Variants in SSH2 observed in about 807,000 individuals in gnomAD.
SSH2 encodes protein phosphatase Slingshot homolog 2.
Under a neutral mutation model 135.2 loss-of-function variants are expected in SSH2, and 37 were observed. The ratio of observed to expected loss-of-function variants is 0.27; its 90% CI spans 0.21 to 0.36. The LOEUF (loss-of-function observed/expected upper bound fraction) is 0.36, where lower values mean the gene tolerates loss of function less well. Among genes scored for constraint, SSH2 ranks in the 10% least tolerant of loss-of-function variants. The pLI is 1.00. For missense variants in SSH2, 1,408 were observed against 1,765.3 expected, an observed-to-expected ratio of 0.80 and a Z score of 3.63; for synonymous variants, 628 against 646.2, an observed-to-expected ratio of 0.97 and a Z score of 0.43.
At chr17:29,842,325 G>C (rs1008607943) in intron 2 of SSH2, among the ~76,000 whole-genome samples, 1 of 151,766 alleles carries the variant, frequency 6.6e-6, no homozygotes, top group Non-Finnish European at 1.5e-5. Flanking sequence ...GTCATGGCAG[G>C]CACCTATAAT....
At chr17:29,640,540 A>T (rs918534411) in intron 14 of SSH2, 2 of 152,150 alleles carry the variant, frequency 1.3e-5, no homozygotes, top group African/African-American at 4.8e-5. Context: ...TGGGGAGAAA[A>T]TCATCAGAAA....
At chr17:29,791,878 A>G (rs1485726120) in intron 3 of SSH2, among the ~76,000 whole-genome samples, 3 of 152,058 alleles carry the variant, frequency 2.0e-5, no homozygotes, top group Non-Finnish European at 4.4e-5. Context: ...AGTATTGCCA[A>G]AAACTTAAAA....
chr17:29,850,937 A>G (rs1045035781), intron 1 of SSH2, among the ~76,000 whole-genome samples: 1 of 152,160 alleles, frequency 6.6e-6, no homozygotes, highest in Non-Finnish European at 1.5e-5. Flanking sequence ...GTGAGCCGAG[A>G]TCGCGCCACT....
chr17:29,883,794 C>T (rs1456174543), intron 1 of SSH2, among the ~76,000 whole-genome samples: 1 of 152,184 alleles, frequency 6.6e-6, no homozygotes, highest in Non-Finnish European at 1.5e-5. Flanking sequence ...TCTTCTATCT[C>T]TTTCCCCACT....
chr17:29,746,021 C>A (rs541390494), intron 3 of SSH2, among the ~76,000 whole-genome samples: 2 of 151,922 alleles, frequency 1.3e-5, no homozygotes, highest in Non-Finnish European at 2.9e-5. Flanking sequence ...GTTTAAGGAA[C>A]GGGATACTTT....
In SSH2 at chr17:29,667,412, G is replaced by A. The variant is rs367816235; in HGVS notation, c.810-189C>T. On this transcript the variant is annotated intron_variant, in intron 9 of 15. Coordinates refer to ENST00000540801, the MANE Select transcript of SSH2 (RefSeq NM_001282129.2). ...ACCGGTCAGTGGCCTGTTAGAAGCC[G>A]GGCAGCAGAACAGGAGGTGAGCAGC... Among the ~76,000 whole-genome samples the A allele has an allele frequency of 1.2e-4, 19 of 152,236 alleles. No homozygotes were observed. The South Asian group carries it at 2.3e-3, about 18-fold the overall frequency.
At position 29,630,235 on chromosome 17, in the gene SSH2, C is replaced by T. The variant is rs946848775; in HGVS notation, c.*606G>A. ...AAACTATATGATAAATTTGCAGAGCCGGCCATTATCATGTCTTACTGTAAC... is the reference window on the plus strand; with the variant it reads ...AAACTATATGATAAATTTGCAGAGCTGGCCATTATCATGTCTTACTGTAAC... On this transcript the variant is annotated 3_prime_UTR_variant, in exon 16 of 16. Transcript: ENST00000540801. The T allele has an allele frequency of 2.6e-5, 4 of 152,142 alleles. No individual in the cohort carries two copies. Among genetic ancestry groups the T allele is most frequent in the Admixed American group, 6.5e-5 (1 of 15,274 alleles). 9.4% of individuals were successfully genotyped at this position (152,142 alleles called of 1,614,324 possible). A position where few individuals can be genotyped will look rare whatever the true frequency, so the allele number is the denominator to read the frequency against.
Position 29,787,178 on chromosome 17 carries a change from C to T in SSH2, c.188+6716G>A, listed in dbSNP as rs552266550. ...ATCCCCCAGTCACCATTATTCTGTC[C>T]GCATGAATTTGATTATTCTAGGTAT... On this transcript the variant is annotated intron_variant, in intron 3 of 15. Transcript: ENST00000540801. 3.3e-5 allele frequency among the ~76,000 whole-genome samples: 5 copies of T among 152,180 alleles called. No individual in the cohort carries two copies. In the East Asian group the frequency reaches 5.8e-4, roughly 18 times the overall value.
intron 3 of SSH2, among the ~76,000 whole-genome samples, chr17:29,761,873 A>G (rs7502812): frequency 0.49 from 59,174 of 121,598 alleles, 13,560 homozygotes; most frequent in African/African-American, 0.56. Flanking sequence ...GTGTGTGTGT[A>G]TATATATATA....
At chr17:29,799,392 C>T (rs2042212164) in intron 2 of SSH2, among the ~76,000 whole-genome samples, 1 of 152,190 alleles carries the variant, frequency 6.6e-6, no homozygotes, top group Admixed American at 6.5e-5. Context: ...TTTATACTCT[C>T]ACCAGAAAGA....
Position 29,636,090 on chromosome 17 carries a change from A to G in SSH2, c.2140T>C (p.Cys714Arg), listed in dbSNP as rs1179634762. Residue 714 changes from cysteine to arginine, a missense_variant, in exon 15 of 16, where the codon TGT (cysteine) becomes CGT (arginine). Coordinates refer to ENST00000540801, the MANE Select transcript of SSH2 (RefSeq NM_001282129.2). Reference protein sequence around the residue: ...EELGGGRNESCRLSVVEVAPS... With the variant: ...EELGGGRNESRRLSVVEVAPS... ...GCTACTTCTACCACTGACAGTCGAC[A>G]GCTCTCATTCCTTCCTCCACCCAGT... 1.9e-6 allele frequency: 3 copies of G among 1,614,134 alleles called. No individual in the cohort carries two copies. In the African/African-American group the frequency reaches 4.0e-5, roughly 22 times the overall value.
chr17:29,813,012 A>T (rs1228826889), intron 2 of SSH2, among the ~76,000 whole-genome samples: 1 of 152,252 alleles, frequency 6.6e-6, no homozygotes, highest in Non-Finnish European at 1.5e-5. Flanking sequence ...CAACGAAAAG[A>T]TTTTCACCGT....
rs1567650107 is a variant in SSH2 at position 29,913,357 on chromosome 17, TA to T, written c.63+16580del. Among the ~76,000 whole-genome samples the T allele has an allele frequency of 1.2e-3, 61 of 50,612 alleles. 1 individual carries two copies. The highest frequency in any genetic ancestry group is 3.6e-3 in the African/African-American group (54 of 14,974). The allele number at this position is 50,612 out of a possible 152,430, so 33.2% of individuals were successfully genotyped here. On this transcript the variant is annotated intron_variant, in intron 1 of 15. Coordinates refer to ENST00000540801, the MANE Select transcript of SSH2 (RefSeq NM_001282129.2). The stretch of plus-strand genomic sequence containing the variant: ...AAAAAAAAAAAAAAAAATATATATA[TA>T]TATATATATATATATATATATATAT...
intron 1 of SSH2, among the ~76,000 whole-genome samples, chr17:29,928,876 C>T (rs1328670892): frequency 6.6e-6 from 1 of 152,076 alleles, no homozygotes; most frequent in Non-Finnish European, 1.5e-5. Flanking sequence ...CTGATACTAC[C>T]AAATCCACCA....
At chr17:29,836,613 A>G (rs2042947988) in intron 2 of SSH2, among the ~76,000 whole-genome samples, 1 of 152,250 alleles carries the variant, frequency 6.6e-6, no homozygotes, top group African/African-American at 2.4e-5. Flanking sequence ...TTTACTAACC[A>G]GGCACATGGT....
At chr17:29,927,149 A>C (rs999356472) in intron 1 of SSH2, among the ~76,000 whole-genome samples, 1 of 152,194 alleles carries the variant, frequency 6.6e-6, no homozygotes, top group Non-Finnish European at 1.5e-5. Context: ...AGGACCCAAG[A>C]AATGTTAGAT....
intron 14 of SSH2, among the ~76,000 whole-genome samples, chr17:29,637,352 G>GC (rs1457254537): frequency 6.6e-6 from 1 of 152,084 alleles, no homozygotes; most frequent in Non-Finnish European, 1.5e-5. Flanking sequence ...GCCCACATTG[G>GC]CCCCCCACCA....
Position 29,650,811 on chromosome 17 carries a change from A to G in SSH2, c.1080-11T>C. On this transcript the variant is annotated splice_polypyrimidine_tract_variant and intron_variant, in intron 12 of 15. Coordinates refer to ENST00000540801, the MANE Select transcript of SSH2 (RefSeq NM_001282129.2). The stretch of plus-strand genomic sequence containing the variant: ...AAGATATACCGTACCCTGCAAGGAA[A>G]CCAAGGGAGAATATGTGCTCTACTA... 6.3e-7 allele frequency: 1 copy of G among 1,592,786 alleles called. No individual in the cohort carries two copies. The highest frequency in any genetic ancestry group is 8.6e-7 in the Non-Finnish European group (1 of 1,168,430).
intron 2 of SSH2, among the ~76,000 whole-genome samples, chr17:29,826,959 A>G (rs191699875): frequency 6.6e-6 from 1 of 152,318 alleles, no homozygotes; most frequent in East Asian, 1.9e-4. Context: ...GGTAGCAGCT[A>G]CCTACCAAGA....
Sources: allele counts gnomAD v4.1 joint callset (sites outside exome capture counted in the v4.1 genomes callset), GRCh38; gene constraint gnomAD v4.1.1; transcripts MANE v1.5; gene names NCBI Gene and HGNC (gene_info 2026-07-23, HGNC 2026-07-21).